PTPRN2: variants seen among roughly 807,000 people sequenced by gnomAD.
The protein encoded by PTPRN2 is protein tyrosine phosphatase receptor type N2.
In PTPRN2, 74 loss-of-function variants were observed where a neutral mutation model predicts 118.8. The observed-to-expected ratio is 0.62, with a 90% CI of 0.52 to 0.76. PTPRN2 has a LOEUF of 0.76. Ranked by LOEUF, PTPRN2 falls within the 30% of genes least tolerant of loss-of-function variation. The pLI, the probability that PTPRN2 is intolerant of heterozygous loss-of-function variation, is 0.00. For missense variants in PTPRN2, 1,481 were observed against 1,394.4 expected, an observed-to-expected ratio of 1.06 and a Z score of -0.99; for synonymous variants, 641 against 608.0, an observed-to-expected ratio of 1.05 and a Z score of -0.80.
At chr7:157,836,888 A>G (rs576225841) in intron 12 of PTPRN2, among the ~76,000 whole-genome samples, 218 of 151,084 alleles carry the variant, frequency 1.4e-3, no homozygotes, top group Non-Finnish European at 2.8e-3. Flanking sequence ...CAAACCACCC[A>G]CTTACTCATC....
At chr7:157,998,855 A>G (rs909778264) in intron 11 of PTPRN2, among the ~76,000 whole-genome samples, 6 of 151,650 alleles carry the variant, frequency 4.0e-5, no homozygotes, top group African/African-American at 1.5e-4. Context: ...TCAAGTTGTA[A>G]TTCTGAGATT....
At chr7:158,279,942 C>A (rs1025095550) in intron 3 of PTPRN2, among the ~76,000 whole-genome samples, 1 of 152,166 alleles carries the variant, frequency 6.6e-6, no homozygotes, top group African/African-American at 2.4e-5. Context: ...TCCTTAGTTC[C>A]GTGAAGACAG....
chr7:157,599,254 C>G (rs1213006390), intron 16 of PTPRN2, among the ~76,000 whole-genome samples: 1 of 152,214 alleles, frequency 6.6e-6, no homozygotes, highest in Admixed American at 6.5e-5. Context: ...AGGCAATCTG[C>G]CTGCTTTGGC....
At chr7:157,817,539 A>C (rs1487495878) in intron 12 of PTPRN2, among the ~76,000 whole-genome samples, 1 of 152,170 alleles carries the variant, frequency 6.6e-6, no homozygotes, top group East Asian at 1.9e-4. Context: ...CCACGTCCTC[A>C]GGTGGCCAAA....
Position 158,145,038 on chromosome 7 carries a change from C to A in PTPRN2, c.911-6523G>T, listed in dbSNP as rs1329020748. 5.4e-5 allele frequency among the ~76,000 whole-genome samples: 8 copies of A among 147,958 alleles called. 1 individual carries two copies. Among genetic ancestry groups the A allele is most frequent in the Non-Finnish European group, 1.0e-4 (7 of 66,992 alleles). On this transcript the variant is annotated intron_variant, in intron 6 of 22. Transcript: ENST00000389418. ...ATCATCGCGAGAAGGTTCCAGAATA[C>A]CACGGCTCGGCAAGGTTTCCCTCAC...
At chr7:157,588,290 C>T (rs1019778729) in intron 17 of PTPRN2, among the ~76,000 whole-genome samples, 2 of 152,244 alleles carry the variant, frequency 1.3e-5, no homozygotes, top group Non-Finnish European at 2.9e-5. Flanking sequence ...CAACTCCCTT[C>T]GGTTGACTCG....
chr7:158,492,358 G>A (rs534373601), intron 1 of PTPRN2, among the ~76,000 whole-genome samples: 5 of 152,358 alleles, frequency 3.3e-5, no homozygotes, highest in African/African-American at 9.6e-5. Context: ...TGTTTGTCAC[G>A]TGGAAATGGC....
chr7:157,936,239 G>A (rs1228197659), intron 11 of PTPRN2, among the ~76,000 whole-genome samples: 1 of 152,176 alleles, frequency 6.6e-6, no homozygotes, highest in East Asian at 1.9e-4. Context: ...AATTGATTTT[G>A]CCTCAACTAG....
chr7:158,099,918 T>A (rs1815087790), intron 10 of PTPRN2, among the ~76,000 whole-genome samples: 1 of 145,718 alleles, frequency 6.9e-6, no homozygotes, highest in Admixed American at 6.9e-5. Context: ...GTTCATGAAA[T>A]AAACTTATTC....
At chr7:158,337,049 A>C (rs1805722523) in intron 2 of PTPRN2, among the ~76,000 whole-genome samples, 1 of 120,166 alleles carries the variant, frequency 8.3e-6, no homozygotes. Context: ...ACTCACACCC[A>C]CACTGTCACC....
rs986542579 is a variant in PTPRN2, at chr7:157,621,592, G to T, written c.2197-83C>A. The T allele has an allele frequency of 2.6e-6, 4 of 1,548,362 alleles. No homozygotes were observed. In the East Asian group the frequency reaches 6.7e-5, roughly 26 times the overall value. On this transcript the variant is annotated intron_variant, in intron 14 of 22. Transcript: ENST00000389418. ...TGCACAAAAGGCAGCGGAGGCCTTT[G>T]CACTCGCCGCGTGGGCCATGCCCAC... is the stretch of plus-strand genomic sequence containing the variant.
In PTPRN2 at chr7:157,539,239, C is replaced by T. The variant is rs1797901058; in HGVS notation, c.*1475G>A. The T allele has an allele frequency of 6.6e-6, 1 of 152,172 alleles. No homozygotes were observed. Among genetic ancestry groups the T allele is most frequent in the African/African-American group, 2.4e-5 (1 of 41,448 alleles). 9.4% of individuals were successfully genotyped at this position (152,172 alleles called of 1,614,324 possible). On this transcript the variant is annotated 3_prime_UTR_variant, in exon 23 of 23. Transcript: ENST00000389418. ...AGTAATTTTGGAAAAGAAATGATAGCTATATTAAAGCAGATATTCATTACA... is the reference window on the plus strand; with the variant it reads ...AGTAATTTTGGAAAAGAAATGATAGTTATATTAAAGCAGATATTCATTACA...
At chr7:157,661,471 G>A (rs558645848) in intron 13 of PTPRN2, among the ~76,000 whole-genome samples, 224 of 141,696 alleles carry the variant, frequency 1.6e-3, no homozygotes, top group African/African-American at 4.7e-3. Context: ...GCCTGGGAAC[G>A]GGGGCGGGTG....
intron 12 of PTPRN2, among the ~76,000 whole-genome samples, chr7:157,802,585 A>G (rs936224291): frequency 1.3e-5 from 2 of 152,228 alleles, no homozygotes; most frequent in African/African-American, 4.8e-5. Flanking sequence ...TCCTTTGGAT[A>G]AATATCTGGA....
intron 1 of PTPRN2, among the ~76,000 whole-genome samples, chr7:158,518,163 A>C (rs576208578): frequency 6.6e-6 from 1 of 152,364 alleles, no homozygotes; most frequent in African/African-American, 2.4e-5. Flanking sequence ...GTTAGAGCCC[A>C]ATAGTTCTTA....
chr7:158,091,087 G>A (rs1423742679), intron 10 of PTPRN2, among the ~76,000 whole-genome samples: 1 of 152,162 alleles, frequency 6.6e-6, no homozygotes, highest in Non-Finnish European at 1.5e-5. Flanking sequence ...GTTAGTCTGG[G>A]GGTTGTTATT....
chr7:158,513,942 T>C (rs559809076), intron 1 of PTPRN2, among the ~76,000 whole-genome samples: 1 of 152,364 alleles, frequency 6.6e-6, no homozygotes, highest in East Asian at 1.9e-4. Context: ...AAGCCACTGA[T>C]ACACTAAGTT....
chr7:157,917,232 C>T (rs1282153030), intron 11 of PTPRN2, among the ~76,000 whole-genome samples: 1 of 152,236 alleles, frequency 6.6e-6, no homozygotes, highest in African/African-American at 2.4e-5. Flanking sequence ...TTGCAAACCG[C>T]TCTCTCTCAT....
chr7:157,887,282 CA>C (rs1796507681), intron 12 of PTPRN2, among the ~76,000 whole-genome samples: 1 of 152,056 alleles, frequency 6.6e-6, no homozygotes, highest in African/African-American at 2.4e-5. Context: ...GAATATTTAC[CA>C]GTAAACAGGC....
Sources: gnomAD v4.1 joint callset for allele counts (sites outside exome capture counted in the v4.1 genomes callset) on GRCh38, gnomAD v4.1.1 for gene constraint, MANE v1.5 for transcripts, NCBI Gene and HGNC (gene_info 2026-07-23, HGNC 2026-07-21) for gene names.